VEPH1: variants seen among roughly 807,000 people sequenced by gnomAD.
VEPH1 encodes ventricular zone expressed PH domain containing 1.
VEPH1 carries 80 observed loss-of-function variants against 85.2 expected under a neutral mutation model. The observed-to-expected ratio is 0.94, with a 90% CI of 0.78 to 1.13. The LOEUF (loss-of-function observed/expected upper bound fraction) is 1.13, where lower values mean the gene tolerates loss of function less well. VEPH1 is among the 50% of genes most tolerant of loss of function. The probability of loss-of-function intolerance (pLI) is 0.00; values close to 1 mark genes in which losing one functional copy is unlikely to be tolerated. For missense variants in VEPH1, 955 were observed against 980.5 expected (o/e 0.97, Z 0.35); for synonymous variants, 297 against 348.0 (o/e 0.85, Z 1.63).
chr3:157,295,484 T>G (rs1718008260), intron 11 of VEPH1, among the ~76,000 whole-genome samples: 1 of 152,180 alleles, frequency 6.6e-6, no homozygotes, highest in Non-Finnish European at 1.5e-5. Flanking sequence ...GTTTACTACT[T>G]TGTATAGTTA....
chr3:157,449,553 T>C (rs1330746083), intron 4 of VEPH1, among the ~76,000 whole-genome samples: 2 of 152,202 alleles, frequency 1.3e-5, no homozygotes, highest in Non-Finnish European at 2.9e-5. Context: ...TGCTACACTG[T>C]CTTGATTATT....
intron 11 of VEPH1, among the ~76,000 whole-genome samples, chr3:157,288,453 A>G (rs1431021548): frequency 6.6e-6 from 1 of 152,194 alleles, no homozygotes; most frequent in Non-Finnish European, 1.5e-5. Flanking sequence ...ATTTCTTGAC[A>G]GAGGTAAGAA....
chr3:157,318,505 G>A (rs1235788883), intron 9 of VEPH1, among the ~76,000 whole-genome samples: 3 of 152,054 alleles, frequency 2.0e-5, no homozygotes, highest in Non-Finnish European at 4.4e-5. Context: ...CTACTTGGGG[G>A]GCAGAGCAGG....
chr3:157,413,173 C>A (rs1199958940), intron 6 of VEPH1, among the ~76,000 whole-genome samples: 1 of 151,912 alleles, frequency 6.6e-6, no homozygotes, highest in African/African-American at 2.4e-5. Context: ...ATCCTAAATC[C>A]CAACATGAAA....
At chr3:157,356,006 T>A (rs1468711746) in intron 9 of VEPH1, among the ~76,000 whole-genome samples, 1 of 151,742 alleles carries the variant, frequency 6.6e-6, no homozygotes, top group Admixed American at 6.6e-5. Flanking sequence ...GTCAAGCGAT[T>A]CTCTCACCTC....
intron 12 of VEPH1, among the ~76,000 whole-genome samples, chr3:157,280,578 A>G (rs934280643): frequency 1.3e-5 from 2 of 152,234 alleles, no homozygotes; most frequent in Non-Finnish European, 2.9e-5. Context: ...CATGTTTACT[A>G]TGAGCTCTTT....
rs145551588 is a variant in VEPH1, at chr3:157,460,666, G to C, written c.355-311C>G. 4.1e-3 allele frequency among the ~76,000 whole-genome samples: 626 copies of C among 152,298 alleles called. 2 individuals are homozygous for C. The highest frequency in any genetic ancestry group is 0.014 in the African/African-American group (588 of 41,568). ...GAATGTCAAGAAAGACTTCCTGGAG[G>C]GGGTAATGTCTTAGTTGGGACCTCA... On this transcript the variant is annotated intron_variant, in intron 3 of 13. Coordinates refer to ENST00000362010, the MANE Select transcript of VEPH1 (RefSeq NM_001167912.2).
chr3:157,272,391 CTTTCTTTCTT>C (rs1290012102), intron 12 of VEPH1, among the ~76,000 whole-genome samples: 1 of 128,964 alleles, frequency 7.8e-6, no homozygotes, highest in Non-Finnish European at 1.6e-5. Context: ...TTCTTTCTTT[CTTTCTTTCTT>C]TCTTTCTTTC....
At chr3:157,363,885 T>G in intron 8 of VEPH1, 124 bp from the exon 9 acceptor site, 1 of 1,111,752 alleles carries the variant, frequency 9.0e-7, no homozygotes, top group South Asian at 1.8e-5. Context: ...TTAACAGGCC[T>G]GATAAATGTA....
intron 12 of VEPH1, among the ~76,000 whole-genome samples, chr3:157,272,271 T>TCCTTCCTG (rs1714678536): frequency 2.5e-5 from 1 of 40,158 alleles, no homozygotes; most frequent in Non-Finnish European, 7.1e-5. Flanking sequence ...CTTCCTTCCT[T>TCCTTCCTG]CCTTCCTTCC....
chr3:157,270,027 G>T (rs954797103), intron 12 of VEPH1, among the ~76,000 whole-genome samples: 6 of 151,960 alleles, frequency 3.9e-5, no homozygotes, highest in Non-Finnish European at 7.4e-5. Context: ...GATCATTTGA[G>T]GCCAGGAGTT....
At chr3:157,280,747 G>A (rs1253933564) in intron 12 of VEPH1, among the ~76,000 whole-genome samples, 1 of 152,142 alleles carries the variant, frequency 6.6e-6, no homozygotes, top group East Asian at 1.9e-4. Flanking sequence ...TTAATTTTGA[G>A]AAAGAGTTAG....
At chr3:157,463,517 A>T (rs1436506530) in intron 3 of VEPH1, among the ~76,000 whole-genome samples, 1 of 152,076 alleles carries the variant, frequency 6.6e-6, no homozygotes, top group African/African-American at 2.4e-5. Flanking sequence ...CTCCCCTCCC[A>T]GTGAATTTAA....
At chr3:157,338,000 T>G (rs573664801) in intron 9 of VEPH1, among the ~76,000 whole-genome samples, 1 of 151,876 alleles carries the variant, frequency 6.6e-6, no homozygotes, top group East Asian at 1.9e-4. Flanking sequence ...TCTGGGGAGG[T>G]CTTTACCAGG....
chr3:157,375,895 TA>T, intron 7 of VEPH1, among the ~76,000 whole-genome samples: 1 of 152,340 alleles, frequency 6.6e-6, no homozygotes, highest in Non-Finnish European at 1.5e-5. Context: ...TTCATGTAAC[TA>T]AGCCAGAGGA....
At chr3:157,444,052 T>C (rs1289509344) in intron 4 of VEPH1, among the ~76,000 whole-genome samples, 1 of 152,174 alleles carries the variant, frequency 6.6e-6, no homozygotes, top group East Asian at 1.9e-4. Context: ...CCCCATTCTC[T>C]TCCTTACTCA....
intron 4 of VEPH1, among the ~76,000 whole-genome samples, chr3:157,454,167 A>G (rs1735189287): frequency 6.6e-6 from 1 of 152,214 alleles, no homozygotes; most frequent in Non-Finnish European, 1.5e-5. Context: ...TGTTTCAAAA[A>G]TGTAGCCAAG....
intron 9 of VEPH1, among the ~76,000 whole-genome samples, chr3:157,327,898 C>G (rs1722097195): frequency 6.6e-6 from 1 of 152,142 alleles, no homozygotes; most frequent in Non-Finnish European, 1.5e-5. Flanking sequence ...GAACAAAGAG[C>G]CCTTCCTCTC....
intron 6 of VEPH1, among the ~76,000 whole-genome samples, chr3:157,392,967 G>A (rs557932868): frequency 6.6e-6 from 1 of 152,198 alleles, no homozygotes; most frequent in Non-Finnish European, 1.5e-5. Flanking sequence ...GCATGGGTAT[G>A]TGATTTAATC....
Sources: gnomAD v4.1 joint callset for allele counts (sites outside exome capture counted in the v4.1 genomes callset) on GRCh38, gnomAD v4.1.1 for gene constraint, MANE v1.5 for transcripts, NCBI Gene and HGNC (gene_info 2026-07-23, HGNC 2026-07-21) for gene names.